The following LRFN5 variants were observed in gnomAD, a reference collection of about 807,000 sequenced individuals.
LRFN5 encodes leucine rich repeat and fibronectin type III domain containing 5.
Under a neutral mutation model 45.6 loss-of-function variants are expected in LRFN5, and 24 were observed. The ratio of observed to expected loss-of-function variants is 0.53; its 90% CI spans 0.38 to 0.74. The LOEUF (loss-of-function observed/expected upper bound fraction) is 0.74, where lower values mean the gene tolerates loss of function less well. LRFN5 is among the 30% of genes least tolerant of loss of function. The pLI is 0.00. For missense variants in LRFN5, 776 were observed against 861.5 expected (o/e 0.90, Z 1.24); for synonymous variants, 340 against 313.8 (o/e 1.08, Z -0.88).
At chr14:41,812,288 T>C (rs1018704927) in intron 2 of LRFN5, among the ~76,000 whole-genome samples, 2 of 151,992 alleles carry the variant, frequency 1.3e-5, no homozygotes, top group Non-Finnish European at 2.9e-5. Context: ...AGAATTTGGA[T>C]TTATTATATA....
intron 1 of LRFN5, among the ~76,000 whole-genome samples, chr14:41,704,446 C>CTGTGTGTGTGTGTGTGTGTGTGTG (rs1233748767): frequency 3.5e-4 from 45 of 126,942 alleles, no homozygotes; most frequent in African/African-American, 1.6e-3. Flanking sequence ...CTCTCTCTCT[C>CTGTGTGTGTGTGTGTGTGTGTGTG]TCTGTGTGTG....
At chr14:41,785,049 A>G (rs566453891) in intron 2 of LRFN5, among the ~76,000 whole-genome samples, 1 of 152,220 alleles carries the variant, frequency 6.6e-6, no homozygotes, top group South Asian at 2.1e-4. Context: ...TCTGAAATCT[A>G]TTTCAAATAA....
chr14:41,674,289 T>A (rs866192305), intron 1 of LRFN5, among the ~76,000 whole-genome samples: 2 of 52,522 alleles, frequency 3.8e-5, no homozygotes, highest in Non-Finnish European at 7.2e-5. Flanking sequence ...GGCAGAGGCG[T>A]CCCTCACCTC....
intron 1 of LRFN5, among the ~76,000 whole-genome samples, chr14:41,745,472 A>G (rs1469720362): frequency 6.6e-6 from 1 of 152,028 alleles, no homozygotes; most frequent in Non-Finnish European, 1.5e-5. Context: ...AATTTCTGGA[A>G]CTAGAAAAAG....
chr14:41,833,426 T>C (rs1312281655), intron 2 of LRFN5, among the ~76,000 whole-genome samples: 2 of 152,166 alleles, frequency 1.3e-5, no homozygotes, highest in Admixed American at 1.3e-4. Context: ...TCCAATTATA[T>C]TATTTCAAAT....
intron 1 of LRFN5, among the ~76,000 whole-genome samples, chr14:41,706,370 G>C (rs2138736482): frequency 6.6e-6 from 1 of 152,238 alleles, no homozygotes; most frequent in African/African-American, 2.4e-5. Context: ...AAAGTGCTGG[G>C]ATTACAGGTG....
In LRFN5 at chr14:41,663,511, A is replaced by G. The variant is rs147559526; in HGVS notation, c.-197+54949A>G. ...CTATGAACCCTTTGTGTAAGAATAG[A>G]GAGGAAAGAGTGCCTACCAAGATTT... On this transcript the variant is annotated intron_variant, in intron 1 of 5. Coordinates refer to ENST00000298119, the MANE Select transcript of LRFN5 (RefSeq NM_152447.5). 2.0e-5 allele frequency among the ~76,000 whole-genome samples: 3 copies of G among 152,226 alleles called. No individual in the cohort carries two copies. The East Asian group carries it at 5.8e-4, about 29-fold the overall frequency.
At chr14:41,727,439 T>TATAA (rs150974682) in intron 1 of LRFN5, among the ~76,000 whole-genome samples, 3,410 of 150,664 alleles carry the variant, frequency 0.023, 52 homozygotes, top group African/African-American at 0.043. Flanking sequence ...ATCCGATCTC[T>TATAA]ATAAATAAAT....
At chr14:41,617,438 T>TAC (rs1887965108) in intron 1 of LRFN5, among the ~76,000 whole-genome samples, 1 of 152,164 alleles carries the variant, frequency 6.6e-6, no homozygotes, top group Non-Finnish European at 1.5e-5. Context: ...TGGCTACACC[T>TAC]AGGGGATTGC....
chr14:41,815,356 C>T (rs758128532), intron 2 of LRFN5, among the ~76,000 whole-genome samples: 3 of 152,082 alleles, frequency 2.0e-5, no homozygotes, highest in Non-Finnish European at 4.4e-5. Flanking sequence ...AATATAGCTA[C>T]TCTTGCTTTC....
intron 2 of LRFN5, among the ~76,000 whole-genome samples, chr14:41,862,698 C>A (rs1370773187): frequency 1.3e-5 from 2 of 151,962 alleles, no homozygotes; most frequent in African/African-American, 4.8e-5. Flanking sequence ...TAATTGACAA[C>A]TTTATTTTTT....
chr14:41,786,803 T>A (rs893433370), intron 2 of LRFN5, among the ~76,000 whole-genome samples: 1 of 152,018 alleles, frequency 6.6e-6, no homozygotes, highest in Non-Finnish European at 1.5e-5. Context: ...ATTTCTTTAT[T>A]TTTTTGGTTC....
At chr14:41,900,976 G>T (rs942941265) in intron 5 of LRFN5, among the ~76,000 whole-genome samples, 1 of 151,958 alleles carries the variant, frequency 6.6e-6, no homozygotes, top group African/African-American at 2.4e-5. Flanking sequence ...TACCTGTTAA[G>T]GTGAATTTTT....
intron 2 of LRFN5, among the ~76,000 whole-genome samples, chr14:41,842,148 A>G (rs1888883564): frequency 6.6e-6 from 1 of 152,032 alleles, no homozygotes; most frequent in South Asian, 2.1e-4. Context: ...TTCCAGGCTT[A>G]AGAAAATGAT....
At chr14:41,841,164 T>A (rs2139054063) in intron 2 of LRFN5, among the ~76,000 whole-genome samples, 1 of 152,000 alleles carries the variant, frequency 6.6e-6, no homozygotes, top group East Asian at 1.9e-4. Flanking sequence ...ATAAATAGGC[T>A]AAAAATAAAC....
chr14:41,889,500 C>T (rs887772532), intron 3 of LRFN5, among the ~76,000 whole-genome samples: 2 of 152,094 alleles, frequency 1.3e-5, no homozygotes, highest in Non-Finnish European at 2.9e-5. Flanking sequence ...AAATACCCCT[C>T]CCCACCCCAC....
chr14:41,670,392 G>T (rs1175171589), intron 1 of LRFN5, among the ~76,000 whole-genome samples: 1 of 147,618 alleles, frequency 6.8e-6, no homozygotes, highest in Non-Finnish European at 1.5e-5. Flanking sequence ...ATAGAGATGA[G>T]ATGAAAACTT....
At chr14:41,637,512 T>A (rs1470452683) in intron 1 of LRFN5, among the ~76,000 whole-genome samples, 2 of 152,166 alleles carry the variant, frequency 1.3e-5, no homozygotes, top group Non-Finnish European at 2.9e-5. Context: ...AGCTCCATTC[T>A]AAATTTGCAC....
intron 1 of LRFN5, among the ~76,000 whole-genome samples, chr14:41,697,108 A>T (rs1437645020): frequency 6.6e-6 from 1 of 151,772 alleles, no homozygotes; most frequent in East Asian, 1.9e-4. Flanking sequence ...GTTAAGTATT[A>T]TTTTTCTTCA....
Sources: allele counts gnomAD v4.1 joint callset (sites outside exome capture counted in the v4.1 genomes callset), GRCh38; gene constraint gnomAD v4.1.1; transcripts MANE v1.5; gene names NCBI Gene and HGNC (gene_info 2026-07-23, HGNC 2026-07-21).